Variants in FAT3 observed in about 807,000 individuals in gnomAD.
FAT3 encodes the protein protocadherin Fat 3.
In FAT3, 95 loss-of-function variants were observed where a neutral mutation model predicts 310.2. That is an observed-to-expected ratio of 0.31 (90% CI 0.26 to 0.36). The LOEUF (loss-of-function observed/expected upper bound fraction) is 0.36. Among genes scored for constraint, FAT3 ranks in the 10% least tolerant of loss-of-function variants. FAT3 has a pLI of 1.00. For missense variants in FAT3, 5,408 were observed against 5,715.6 expected, an observed-to-expected ratio of 0.95 and a Z score of 1.74; for synonymous variants, 2,314 against 2,192.9, an observed-to-expected ratio of 1.06 and a Z score of -1.54.
At chr11:92,359,575 C>T (rs1291578246) in intron 2 of FAT3, among the ~76,000 whole-genome samples, 1 of 149,880 alleles carries the variant, frequency 6.7e-6, no homozygotes, top group African/African-American at 2.5e-5. Flanking sequence ...GTGCGCTGCA[C>T]CCACTAACTC....
intron 1 of FAT3, among the ~76,000 whole-genome samples, chr11:92,327,779 A>C (rs1185391496): frequency 6.6e-6 from 1 of 152,182 alleles, no homozygotes; most frequent in East Asian, 1.9e-4. Flanking sequence ...AACCCAAGAG[A>C]GTTCTCACCA....
chr11:92,551,008 C>T (rs534481970), intron 3 of FAT3, among the ~76,000 whole-genome samples: 6 of 151,970 alleles, frequency 3.9e-5, no homozygotes, highest in African/African-American at 9.6e-5. Context: ...CTTTAAGCAT[C>T]GCCCAGTCCC....
At chr11:92,701,411 A>G (rs1023223207) in intron 4 of FAT3, among the ~76,000 whole-genome samples, 2 of 152,224 alleles carry the variant, frequency 1.3e-5, no homozygotes, top group Admixed American at 6.5e-5. Context: ...ATCTGTTACT[A>G]TAAAAGGAGG....
At chr11:92,348,705 G>T (rs1388241633) in intron 1 of FAT3, among the ~76,000 whole-genome samples, 26 of 152,124 alleles carry the variant, frequency 1.7e-4, no homozygotes, top group Admixed American at 1.6e-3. Context: ...TTGAGTCCTG[G>T]CATTAGGGGA....
intron 4 of FAT3, among the ~76,000 whole-genome samples, chr11:92,730,629 T>C (rs184763634): frequency 6.6e-6 from 1 of 152,324 alleles, no homozygotes; most frequent in East Asian, 1.9e-4. Flanking sequence ...TTGCCTGCTT[T>C]TGAATTTGCG....
chr11:92,263,618 A>AGTGTGTGT (rs555917659), intron 1 of FAT3, among the ~76,000 whole-genome samples: 2,013 of 147,564 alleles, frequency 0.014, 34 homozygotes, highest in African/African-American at 0.044. Flanking sequence ...TTTGAATATA[A>AGTGTGTGT]GTGTGTGTGT....
intron 3 of FAT3, among the ~76,000 whole-genome samples, chr11:92,641,245 T>C (rs1941952968): frequency 6.6e-6 from 1 of 152,160 alleles, no homozygotes; most frequent in Admixed American, 6.5e-5. Flanking sequence ...TCTCTCAATA[T>C]ATCTCTCTCT....
chr11:92,588,207 AT>A (rs11394543), intron 3 of FAT3, among the ~76,000 whole-genome samples: 4 of 149,756 alleles, frequency 2.7e-5, no homozygotes, highest in Admixed American at 6.7e-5. Context: ...TTTACCTTGG[AT>A]TTTTTTTTTA....
intron 2 of FAT3, among the ~76,000 whole-genome samples, chr11:92,434,386 C>G (rs1950878917): frequency 6.6e-6 from 1 of 152,244 alleles, no homozygotes; most frequent in Non-Finnish European, 1.5e-5. Flanking sequence ...TAAAATAAAT[C>G]AGTGGTAAAT....
intron 2 of FAT3, among the ~76,000 whole-genome samples, chr11:92,458,098 A>G (rs78268714): frequency 0.016 from 2,411 of 152,190 alleles, 65 homozygotes; most frequent in African/African-American, 0.054. Flanking sequence ...TTTCCCTAAC[A>G]TATTGCCTAT....
intron 1 of FAT3, among the ~76,000 whole-genome samples, chr11:92,309,639 G>C (rs1947244306): frequency 6.6e-6 from 1 of 151,946 alleles, no homozygotes; most frequent in Admixed American, 6.6e-5. Flanking sequence ...TTGCCACTTC[G>C]TGAGGCCCTT....
chr11:92,435,016 G>C (rs574990817), intron 2 of FAT3, among the ~76,000 whole-genome samples: 2 of 152,242 alleles, frequency 1.3e-5, no homozygotes, highest in South Asian at 4.2e-4. Flanking sequence ...AGAGTTCCGT[G>C]GTGGCAGGCT....
chr11:92,756,443 CAG>C (rs1382070283), intron 4 of FAT3, among the ~76,000 whole-genome samples: 2 of 152,092 alleles, frequency 1.3e-5, no homozygotes, highest in Non-Finnish European at 2.9e-5. Context: ...CTGTATAAAA[CAG>C]GGGAGGGGGA....
At chr11:92,287,048 T>G (rs1946577489) in intron 1 of FAT3, among the ~76,000 whole-genome samples, 1 of 152,186 alleles carries the variant, frequency 6.6e-6, no homozygotes, top group East Asian at 1.9e-4. Context: ...CAGAAGCACT[T>G]TAAACAGTAG....
rs1486244005 is a variant in FAT3 at position 92,354,813 on chromosome 11, T to C, written c.2701T>C (p.Ser901Pro). The change falls in exon 2 of 28, where the codon TCT becomes CCT. Residue 901 changes from serine to proline, a missense_variant. Transcript: ENST00000525166. ...GGACCGGGAATCCAAAGCCAATTATTCTTTGAAAATAGAAGCCAGGGACAA... is the reference window on the plus strand; with the variant it reads ...GGACCGGGAATCCAAAGCCAATTATCCTTTGAAAATAGAAGCCAGGGACAA... Reference protein sequence around the residue: ...QLDRESKANYSLKIEARDKAE... With the variant: ...QLDRESKANYPLKIEARDKAE... 1.2e-6 allele frequency: 2 copies of C among 1,613,898 alleles called. No homozygotes were observed. The highest frequency in any genetic ancestry group is 1.7e-6 in the Non-Finnish European group (2 of 1,179,856).
intron 22 of FAT3, among the ~76,000 whole-genome samples, chr11:92,872,958 C>G (rs1189164737): frequency 6.6e-6 from 1 of 152,128 alleles, no homozygotes; most frequent in Non-Finnish European, 1.5e-5. Context: ...TTGAGGCTCA[C>G]ATGGACTAGA....
intron 18 of FAT3, among the ~76,000 whole-genome samples, chr11:92,843,406 T>G (rs1591804745): frequency 6.6e-6 from 1 of 152,170 alleles, no homozygotes; most frequent in Non-Finnish European, 1.5e-5. Flanking sequence ...AGAAAAAGGG[T>G]TTTTATCAAG....
intron 1 of FAT3, among the ~76,000 whole-genome samples, chr11:92,334,771 G>A (rs1187726183): frequency 1.3e-5 from 2 of 152,172 alleles, no homozygotes; most frequent in Non-Finnish European, 2.9e-5. Context: ...TATGGAAGAT[G>A]CCAGTTGAAA....
intron 3 of FAT3, among the ~76,000 whole-genome samples, chr11:92,570,589 TAAAGAAA>T (rs963460515): frequency 2.1e-4 from 32 of 152,314 alleles, no homozygotes; most frequent in African/African-American, 7.0e-4. Flanking sequence ...CAGAATATTC[TAAAGAAA>T]ACCTATAGGT....
Sources: allele counts gnomAD v4.1 joint callset (sites outside exome capture counted in the v4.1 genomes callset), GRCh38; gene constraint gnomAD v4.1.1; transcripts MANE v1.5; gene names NCBI Gene and HGNC (gene_info 2026-07-23, HGNC 2026-07-21).